The following SORCS1 variants were observed in gnomAD, a reference collection of about 807,000 sequenced individuals.
SORCS1 encodes the protein VPS10 domain-containing receptor SorCS1.
In SORCS1, 60 loss-of-function variants were observed where a neutral mutation model predicts 146.1. That is an observed-to-expected ratio of 0.41 (90% CI 0.33 to 0.51). The LOEUF is 0.51. Ranked by LOEUF, SORCS1 falls within the 20% of genes least tolerant of loss-of-function variation. The pLI, the probability that SORCS1 is intolerant of heterozygous loss-of-function variation, is 0.21. For missense variants in SORCS1, 1,352 were observed against 1,487.6 expected (o/e 0.91, Z 1.50); for synonymous variants, 637 against 584.0 (o/e 1.09, Z -1.31).
At chr10:106,622,200 G>T (rs956145702) in intron 19 of SORCS1, among the ~76,000 whole-genome samples, 2 of 139,922 alleles carry the variant, frequency 1.4e-5, no homozygotes, top group Non-Finnish European at 3.0e-5. Flanking sequence ...TGAGGCAGGA[G>T]AATTGCTTGA....
intron 4 of SORCS1, among the ~76,000 whole-genome samples, chr10:106,770,192 T>G (rs1056808067): frequency 6.6e-6 from 1 of 152,202 alleles, no homozygotes; most frequent in Admixed American, 6.5e-5. Flanking sequence ...ATCTGACACA[T>G]ATGTACCAAA....
intron 4 of SORCS1, among the ~76,000 whole-genome samples, chr10:106,766,622 A>T (rs1859591992): frequency 6.6e-6 from 1 of 152,220 alleles, no homozygotes; most frequent in South Asian, 2.1e-4. Context: ...CTTCACTAAG[A>T]GCTGACACAA....
In SORCS1 at chr10:106,855,950, A is replaced by T. The variant is rs1264824853; in HGVS notation, c.627-26277T>A. ...AATGCCTGAACAGCTGACATGAGGT[A>T]CTAGGTAAAAGGAACCATAGTCAAT... On this transcript the variant is annotated intron_variant, in intron 2 of 25. Coordinates refer to ENST00000263054, the MANE Select transcript of SORCS1 (RefSeq NM_052918.5). Among the ~76,000 whole-genome samples, 4 of 152,220 alleles carry T rather than the reference A, an allele frequency of 2.6e-5. No individual in the cohort carries two copies. In the East Asian group the frequency reaches 7.7e-4, roughly 29 times the overall value.
At chr10:106,641,060 C>T (rs753762208) in intron 18 of SORCS1, among the ~76,000 whole-genome samples, 9 of 152,208 alleles carry the variant, frequency 5.9e-5, no homozygotes, top group Admixed American at 1.3e-4. Flanking sequence ...CCTTTGCCTT[C>T]TGCTGCTAAT....
intron 2 of SORCS1, among the ~76,000 whole-genome samples, chr10:106,893,997 C>T (rs1807564362): frequency 6.6e-6 from 1 of 152,058 alleles, no homozygotes; most frequent in African/African-American, 2.4e-5. Context: ...ACAGCTGTGG[C>T]TCTCTCCCTG....
chr10:106,603,276 A>G lies in SORCS1; in HGVS notation c.3165+3890T>C, dbSNP rs1190372460. The stretch of plus-strand genomic sequence containing the variant: ...ACATCTAAGCAGCTGGCCTCAGGAC[A>G]GCAGCACGCGCTCCCCTTGATGAGG... On this transcript the variant is annotated intron_variant, in intron 23 of 25. Coordinates refer to ENST00000263054, the MANE Select transcript of SORCS1 (RefSeq NM_052918.5). 3.3e-5 allele frequency among the ~76,000 whole-genome samples: 5 copies of G among 152,208 alleles called. No individual in the cohort carries two copies. In the East Asian group the frequency reaches 9.7e-4, roughly 29 times the overall value.
intron 2 of SORCS1, among the ~76,000 whole-genome samples, chr10:106,928,443 C>T (rs1293152469): frequency 1.3e-5 from 2 of 152,250 alleles, no homozygotes; most frequent in African/African-American, 2.4e-5. Flanking sequence ...CCGCAAGCGC[C>T]GAGCACAGCC....
intron 1 of SORCS1, among the ~76,000 whole-genome samples, chr10:107,027,860 G>C (rs6584785): frequency 6.6e-6 from 1 of 152,066 alleles, no homozygotes; most frequent in Non-Finnish European, 1.5e-5. Context: ...ACAATTACTC[G>C]TTGGCCTGCC....
chr10:106,999,747 G>A (rs531759081), intron 1 of SORCS1, among the ~76,000 whole-genome samples: 1 of 152,136 alleles, frequency 6.6e-6, no homozygotes, highest in African/African-American at 2.4e-5. Flanking sequence ...CTTAATTCAG[G>A]TTTTACAAAT....
At chr10:106,843,733 A>T (rs192251931) in intron 2 of SORCS1, among the ~76,000 whole-genome samples, 94 of 152,232 alleles carry the variant, frequency 6.2e-4, no homozygotes, top group Non-Finnish European at 1.2e-3. Flanking sequence ...CTGCACCCAG[A>T]CAAGATTTCC....
chr10:107,051,824 G>A (rs1463259348), intron 1 of SORCS1, among the ~76,000 whole-genome samples: 1 of 152,106 alleles, frequency 6.6e-6, no homozygotes, highest in Non-Finnish European at 1.5e-5. Context: ...TGAAAGGGCT[G>A]GTACTTGAAC....
At position 106,576,497 on chromosome 10, in the gene SORCS1, T is replaced by G. The variant is rs1844584739; in HGVS notation, c.*923A>C. The stretch of plus-strand genomic sequence containing the variant: ...ACAATGGGTAACTAATGGGATTCCA[T>G]TTCCTACTGCAGTTGGGGCAGGAGT... On this transcript the variant is annotated 3_prime_UTR_variant, in exon 26 of 26. Transcript: ENST00000263054. The G allele has an allele frequency of 6.6e-6, 1 of 152,268 alleles. No homozygotes were observed. Among genetic ancestry groups the G allele is most frequent in the South Asian group, 2.1e-4 (1 of 4,834 alleles). 9.4% of individuals were successfully genotyped at this position (152,268 alleles called of 1,614,324 possible). A position where few individuals can be genotyped will look rare whatever the true frequency, so the allele number is the denominator to read the frequency against.
At chr10:107,090,940 A>C (rs1315804421) in intron 1 of SORCS1, among the ~76,000 whole-genome samples, 2 of 151,872 alleles carry the variant, frequency 1.3e-5, no homozygotes, top group Non-Finnish European at 2.9e-5. Context: ...ACACACACAC[A>C]CACGTACACA....
At chr10:106,760,556 G>A (rs1859015752) in intron 5 of SORCS1, among the ~76,000 whole-genome samples, 1 of 151,644 alleles carries the variant, frequency 6.6e-6, no homozygotes, top group African/African-American at 2.4e-5. Context: ...GTCGTTAGCA[G>A]GAACCAAATC....
upstream of SORCS1, among the ~76,000 whole-genome samples, chr10:107,168,397 C>T (rs1041769402): frequency 6.6e-6 from 1 of 152,160 alleles, no homozygotes; most frequent in African/African-American, 2.4e-5. Flanking sequence ...TTACTTAAAC[C>T]TGTTTTTTGT....
intron 5 of SORCS1, among the ~76,000 whole-genome samples, chr10:106,760,442 C>CAAAAA (rs34324078): frequency 1.5e-4 from 7 of 45,790 alleles, no homozygotes; most frequent in Non-Finnish European, 2.6e-4. Flanking sequence ...GACTCCGTCT[C>CAAAAA]AAAAAAAAAA....
At chr10:107,010,332 A>G (rs1957644356) in intron 1 of SORCS1, among the ~76,000 whole-genome samples, 1 of 152,248 alleles carries the variant, frequency 6.6e-6, no homozygotes, top group African/African-American at 2.4e-5. Flanking sequence ...TTTTTCAAAC[A>G]GTCGCTCTGC....
At chr10:106,884,552 A>C (rs1377979010) in intron 2 of SORCS1, among the ~76,000 whole-genome samples, 1 of 152,214 alleles carries the variant, frequency 6.6e-6, no homozygotes, top group Non-Finnish European at 1.5e-5. Flanking sequence ...AATTTAGCTT[A>C]AAGCAGAGCT....
rs57208841 is a variant in SORCS1 at position 107,007,027 on chromosome 10, G to A, written c.559-50447C>T. 5.0e-3 allele frequency among the ~76,000 whole-genome samples: 763 copies of A among 152,166 alleles called. 10 individuals carry two copies. The highest frequency in any genetic ancestry group is 0.017 in the African/African-American group (725 of 41,504). ...CATTTCCCTTGTATCTCCATGTCCC[G>A]ACTAGACCTACGCTTAGCATCTAGT... On this transcript the variant is annotated intron_variant, in intron 1 of 25. Transcript: ENST00000263054.
Sources: allele counts gnomAD v4.1 joint callset (sites outside exome capture counted in the v4.1 genomes callset), GRCh38; gene constraint gnomAD v4.1.1; transcripts MANE v1.5; gene names NCBI Gene and HGNC (gene_info 2026-07-23, HGNC 2026-07-21).